Variants in NINL observed in about 807,000 individuals in gnomAD.
The protein encoded by NINL is ninein-like protein.
NINL carries 153 observed loss-of-function variants against 160.3 expected under a neutral mutation model. The ratio of observed to expected loss-of-function variants is 0.95; its 90% confidence interval spans 0.84 to 1.09. The LOEUF is 1.09. Ranked by LOEUF, NINL falls within the 50% of genes least tolerant of loss-of-function variation. The pLI, the probability that NINL is intolerant of heterozygous loss-of-function variation, is 0.00. For missense variants in NINL, 1,829 were observed against 1,764.0 expected, an observed-to-expected ratio of 1.04 and a Z score of -0.66; for synonymous variants, 800 against 734.8, an observed-to-expected ratio of 1.09 and a Z score of -1.43.
intron 17 of NINL, among the ~76,000 whole-genome samples, chr20:25,473,077 C>G (rs2063143795): frequency 6.6e-6 from 1 of 152,188 alleles, no homozygotes; most frequent in Non-Finnish European, 1.5e-5. Flanking sequence ...ATCAATCGCA[C>G]AACCAGGTTG....
intron 9 of NINL, among the ~76,000 whole-genome samples, chr20:25,497,563 ACAC>A (rs2063782285): frequency 2.0e-5 from 3 of 152,362 alleles, no homozygotes; most frequent in East Asian, 1.9e-4. Flanking sequence ...ATTGACAAAA[ACAC>A]CACGACAATC....
intron 1 of NINL, among the ~76,000 whole-genome samples, chr20:25,574,025 T>TG (rs1754658375): frequency 6.6e-6 from 1 of 152,156 alleles, no homozygotes; most frequent in Non-Finnish European, 1.5e-5. Flanking sequence ...GGAAGGAGTG[T>TG]GGGGAGTCAG....
rs1445778850 is a variant in NINL at position 25,561,041 on chromosome 20, TC to T, written c.-12+24413del. 1.3e-3 allele frequency among the ~76,000 whole-genome samples: 67 copies of T among 52,214 alleles called. 1 individual carries two copies. The highest frequency in any genetic ancestry group is 4.6e-3 in the African/African-American group (64 of 13,954). 34.3% of individuals were successfully genotyped at this position (52,214 alleles called of 152,430 possible). ...GTCTCCCTCTCCCTCTCCCCTCCTCTCCCTCTCCCTCTCTCTCTCTTTCCAC... is the reference window on the plus strand; with the variant it reads ...GTCTCCCTCTCCCTCTCCCCTCCTCTCCTCTCCCTCTCTCTCTCTTTCCAC... On this transcript the variant is annotated intron_variant, in intron 1 of 23. Coordinates refer to ENST00000278886, the MANE Select transcript of NINL (RefSeq NM_025176.6).
intron 1 of NINL, among the ~76,000 whole-genome samples, chr20:25,582,859 C>A (rs1443797455): frequency 6.6e-6 from 1 of 151,998 alleles, no homozygotes; most frequent in Non-Finnish European, 1.5e-5. Flanking sequence ...TTCGACAAAC[C>A]TGACAAAAAC....
intron 1 of NINL, among the ~76,000 whole-genome samples, chr20:25,585,135 C>T (rs1456632764): frequency 6.6e-6 from 1 of 152,170 alleles, no homozygotes; most frequent in Admixed American, 6.5e-5. Flanking sequence ...TCAGGCCGAG[C>T]CTTGGGGCTG....
intron 1 of NINL, among the ~76,000 whole-genome samples, chr20:25,547,055 AAAGT>A (rs2064742584): frequency 1.3e-5 from 2 of 152,146 alleles, no homozygotes; most frequent in Non-Finnish European, 2.9e-5. Flanking sequence ...GGTGTGGCAA[AAAGT>A]GTATGTTTAG....
intron 1 of NINL, among the ~76,000 whole-genome samples, chr20:25,569,634 G>A (rs1184041342): frequency 6.6e-6 from 1 of 152,166 alleles, no homozygotes; most frequent in Non-Finnish European, 1.5e-5. Flanking sequence ...GAGAGATGTG[G>A]GTGCAGATAT....
intron 3 of NINL, among the ~76,000 whole-genome samples, chr20:25,513,574 G>A (rs958499417): frequency 1.3e-5 from 2 of 152,214 alleles, no homozygotes; most frequent in African/African-American, 4.8e-5. Context: ...CTGAGCATAT[G>A]GGAAGTTAAT....
Position 25,489,256 on chromosome 20 carries a change from C to T in NINL, c.1665G>A (p.Glu555=). 1 of 1,614,122 alleles carries T rather than the reference C, an allele frequency of 6.2e-7. No homozygotes were observed. Among genetic ancestry groups the T allele is most frequent in the Non-Finnish European group, 8.5e-7 (1 of 1,179,976 alleles). Residue 555 remains glutamate, a synonymous_variant, in exon 13 of 24, where the codon GAG becomes GAA. Coordinates refer to ENST00000278886, the MANE Select transcript of NINL (RefSeq NM_025176.6). ...AGCAGGCACGTACCCGGCACTTGAG[C>T]TCGTATTCCTTCAGGACTGCTGCGA... ...ERFAAVLKEY[E]LKCRDLQDRN...
intron 19 of NINL, among the ~76,000 whole-genome samples, chr20:25,465,117 T>A (rs916114154): frequency 6.6e-6 from 1 of 152,206 alleles, no homozygotes; most frequent in East Asian, 1.9e-4. Flanking sequence ...TGCTCCAGCC[T>A]TTAGGCCTAA....
chr20:25,543,692 T>C (rs2064697226), intron 1 of NINL, among the ~76,000 whole-genome samples: 1 of 152,200 alleles, frequency 6.6e-6, no homozygotes, highest in Admixed American at 6.5e-5. Flanking sequence ...TTTGTAACTT[T>C]ACCTTAGCCT....
chr20:25,464,971 C>T (rs1017478554), intron 19 of NINL, among the ~76,000 whole-genome samples: 1 of 152,200 alleles, frequency 6.6e-6, no homozygotes, highest in Non-Finnish European at 1.5e-5. Flanking sequence ...GTGGCGTTCA[C>T]GCTGGCCACC....
At chr20:25,456,362 G>A (rs1258808050) in intron 22 of NINL, among the ~76,000 whole-genome samples, 2 of 149,394 alleles carry the variant, frequency 1.3e-5, no homozygotes, top group African/African-American at 4.9e-5. Flanking sequence ...AGCCTGGGCA[G>A]CACAGTGAAA....
Position 25,489,974 on chromosome 20 carries a change from G to T in NINL, c.1497C>A (p.Arg499=), listed in dbSNP as rs961936453. 6.2e-7 allele frequency: 1 copy of T among 1,614,106 alleles called. No homozygotes were observed. Among genetic ancestry groups the T allele is most frequent in the Non-Finnish European group, 8.5e-7 (1 of 1,180,006 alleles). Residue 499 remains arginine (R), a synonymous_variant, in exon 12 of 24, where the codon CGC becomes CGA. Coordinates refer to ENST00000278886, the MANE Select transcript of NINL (RefSeq NM_025176.6). ...CCACTTCCACAATCTCCTTCTGTAG[G>T]CGACTGTTTTCCTAGGAGACACAGG... ...KLTLALKENS[R]LQKEIVEVVE... is the part of the protein sequence containing the mutation.
intron 1 of NINL, among the ~76,000 whole-genome samples, chr20:25,581,674 ACT>A (rs1010558342): frequency 2.6e-5 from 4 of 152,136 alleles, no homozygotes; most frequent in African/African-American, 2.4e-5. Flanking sequence ...TTAGCGGATA[ACT>A]CTTTTTTGTA....
At chr20:25,538,597 G>T (rs1255652409) in intron 1 of NINL, among the ~76,000 whole-genome samples, 3 of 152,170 alleles carry the variant, frequency 2.0e-5, no homozygotes, top group Non-Finnish European at 2.9e-5. Context: ...CATGGCCTCT[G>T]CTCCCAGGCA....
intron 2 of NINL, among the ~76,000 whole-genome samples, chr20:25,518,329 T>C (rs2064199801): frequency 6.6e-6 from 1 of 152,242 alleles, no homozygotes; most frequent in Non-Finnish European, 1.5e-5. Context: ...TCAGAAGCTT[T>C]GCTATAGTAC....
chr20:25,579,601 G>A (rs113364816), intron 1 of NINL, among the ~76,000 whole-genome samples: 27 of 152,222 alleles, frequency 1.8e-4, no homozygotes, highest in African/African-American at 5.5e-4. Flanking sequence ...GACAGCCGGG[G>A]GAGGCCTCCT....
At chr20:25,468,479 T>TG (rs1237973029) in intron 18 of NINL, among the ~76,000 whole-genome samples, 2 of 112,370 alleles carry the variant, frequency 1.8e-5, no homozygotes, top group East Asian at 3.2e-4. Flanking sequence ...CGACTGTCAC[T>TG]GGGGGGCACC....
Sources: gnomAD v4.1 joint callset for allele counts (sites outside exome capture counted in the v4.1 genomes callset) on GRCh38, gnomAD v4.1.1 for gene constraint, MANE v1.5 for transcripts, NCBI Gene and HGNC (gene_info 2026-07-23, HGNC 2026-07-21) for gene names.